Variants in ADCY9 observed in about 807,000 individuals in gnomAD.
The protein encoded by ADCY9 is adenylate cyclase type 9.
ADCY9 carries 50 observed loss-of-function variants against 101.5 expected under a neutral mutation model. The observed-to-expected ratio is 0.49, with a 90% CI of 0.39 to 0.62. ADCY9 has a LOEUF of 0.62. ADCY9 is among the 20% of genes least tolerant of loss of function. The pLI, the probability that ADCY9 is intolerant of heterozygous loss-of-function variation, is 0.00. For synonymous variants in ADCY9, 905 were observed against 769.3 expected (o/e 1.18, Z -2.92); for missense variants, 1,662 against 1,800.4 (o/e 0.92, Z 1.39).
At chr16:4,096,656 A>C (rs2057005731) in intron 2 of ADCY9, among the ~76,000 whole-genome samples, 1 of 152,240 alleles carries the variant, frequency 6.6e-6, no homozygotes, top group Non-Finnish European at 1.5e-5. Context: ...TTAAATAGTA[A>C]CACAATAGGG....
intron 2 of ADCY9, among the ~76,000 whole-genome samples, chr16:4,058,033 C>A (rs949438381): frequency 4.6e-5 from 7 of 151,832 alleles, no homozygotes; most frequent in African/African-American, 1.7e-4. Flanking sequence ...GTGGTGGGCA[C>A]CTGTAATCCC....
chr16:4,034,898 T>C (rs866182660), intron 2 of ADCY9, among the ~76,000 whole-genome samples: 5 of 152,190 alleles, frequency 3.3e-5, no homozygotes, highest in Admixed American at 3.3e-4. Context: ...TACTACCAGG[T>C]AGAGAAGGAG....
At chr16:3,956,240 GAAAATCTCA>G (rs1229903694) in intron 5 of ADCY9, among the ~76,000 whole-genome samples, 1 of 151,956 alleles carries the variant, frequency 6.6e-6, no homozygotes. Flanking sequence ...CAATTGCCAC[GAAAATCTCA>G]AATTATATTC....
At chr16:4,092,132 T>C (rs763140005) in intron 2 of ADCY9, among the ~76,000 whole-genome samples, 1 of 152,190 alleles carries the variant, frequency 6.6e-6, no homozygotes, top group Non-Finnish European at 1.5e-5. Flanking sequence ...TAGACAGGTG[T>C]GGTGGCGGGT....
intron 8 of ADCY9, among the ~76,000 whole-genome samples, 192 bp downstream of exon 8, chr16:3,978,924 C>T (rs2056116064): frequency 6.6e-6 from 1 of 152,090 alleles, no homozygotes; most frequent in Admixed American, 6.6e-5. Context: ...ACCATGTTGG[C>T]CAGGATGGTC....
intron 2 of ADCY9, among the ~76,000 whole-genome samples, chr16:4,109,655 G>C (rs1350889797): frequency 3.3e-5 from 5 of 152,088 alleles, no homozygotes; most frequent in African/African-American, 9.7e-5. Context: ...CCAGTCGTTT[G>C]TTTAAATCTG....
chr16:4,050,451 T>C (rs946032196), intron 2 of ADCY9, among the ~76,000 whole-genome samples: 2 of 151,942 alleles, frequency 1.3e-5, no homozygotes, highest in African/African-American at 4.8e-5. Context: ...CGGTGGCTCA[T>C]GCCTGTAATC....
At chr16:3,979,839 G>A (rs941005699) in intron 7 of ADCY9, among the ~76,000 whole-genome samples, 1 of 152,274 alleles carries the variant, frequency 6.6e-6, no homozygotes, top group Non-Finnish European at 1.5e-5. Context: ...TGCAAAGGCA[G>A]AAGGCTGCTG....
chr16:3,965,746 A>C lies in ADCY9; in HGVS notation c.*29T>G. The C allele has an allele frequency of 6.3e-7, 1 of 1,580,928 alleles. No homozygotes were observed. Among genetic ancestry groups the C allele is most frequent in the Non-Finnish European group, 8.6e-7 (1 of 1,160,282 alleles). On this transcript the variant is annotated 3_prime_UTR_variant, in exon 11 of 11. Transcript: ENST00000294016. ...AATATTACTGTGTTTCGACAAACAG[A>C]GCACCTCGGGCAGCGGGTGGGCGCC... is the stretch of plus-strand genomic sequence containing the variant.
chr16:4,005,679 C>T (rs1376114177), intron 3 of ADCY9, among the ~76,000 whole-genome samples: 1 of 151,866 alleles, frequency 6.6e-6, no homozygotes, highest in East Asian at 1.9e-4. Flanking sequence ...GTAGAATCGC[C>T]ATTGCTAAAA....
chr16:4,030,275 A>G (rs2056546057), intron 2 of ADCY9, among the ~76,000 whole-genome samples: 2 of 152,156 alleles, frequency 1.3e-5, no homozygotes, highest in African/African-American at 4.8e-5. Context: ...CATCAAGAGG[A>G]GGATCGATGG....
Position 4,016,995 on chromosome 16 carries a change from GT to G in ADCY9, c.1694-9438del, listed in dbSNP as rs370052696. On this transcript the variant is annotated intron_variant, in intron 2 of 10. Coordinates refer to ENST00000294016, the MANE Select transcript of ADCY9 (RefSeq NM_001116.4). ...ATGTGAATTATACGTCAATAAAGCT[GT>G]TTTTTTGAAAAAGAAAAGGAAGCTG... is the stretch of plus-strand genomic sequence containing the variant. Among the ~76,000 whole-genome samples, 23 of 152,158 alleles carry G rather than the reference GT, an allele frequency of 1.5e-4. No homozygotes were observed. In the East Asian group the frequency reaches 3.7e-3, roughly 24 times the overall value.
intron 9 of ADCY9, among the ~76,000 whole-genome samples, chr16:3,975,874 A>C (rs2141681193): frequency 6.6e-6 from 1 of 152,380 alleles, no homozygotes; most frequent in Middle Eastern, 3.4e-3. Context: ...TAAATTGTTC[A>C]CTGCTTACAT....
Position 3,963,553 on chromosome 16 carries a change from C to G in ADCY9, c.*2222G>C. The G allele has an allele frequency of 2.6e-6, 1 of 382,066 alleles. No individual in the cohort carries two copies. 23.7% of individuals were successfully genotyped at this position (382,066 alleles called of 1,614,324 possible). ...AGTCTGCACGGGGCTGAACCAGACT[C>G]CACTTTGCAGCTCCTTGGTTTCCCG... On this transcript the variant is annotated 3_prime_UTR_variant, in exon 11 of 11. Coordinates refer to ENST00000294016, the MANE Select transcript of ADCY9 (RefSeq NM_001116.4).
Position 4,023,236 on chromosome 16 carries a change from C to T in ADCY9, c.1694-15678G>A, listed in dbSNP as rs369310542. Among the ~76,000 whole-genome samples, 5 of 152,312 alleles carry T rather than the reference C, an allele frequency of 3.3e-5. 1 individual carries two copies. Among genetic ancestry groups the T allele is most frequent in the African/African-American group, 9.6e-5 (4 of 41,556 alleles). ...GCTGGTGATAAAACTGTGAACATGGCGTCCATCACCTGACTCAGTGGTAGG... is the reference window on the plus strand; with the variant it reads ...GCTGGTGATAAAACTGTGAACATGGTGTCCATCACCTGACTCAGTGGTAGG... On this transcript the variant is annotated intron_variant, in intron 2 of 10. Transcript: ENST00000294016.
At chr16:4,111,034 A>T (rs1466942084) in intron 2 of ADCY9, among the ~76,000 whole-genome samples, 1 of 152,232 alleles carries the variant, frequency 6.6e-6, no homozygotes, top group East Asian at 1.9e-4. Flanking sequence ...AGTCAGTGCC[A>T]GGGGCACGAC....
chr16:4,027,107 T>A (rs2141748860), intron 2 of ADCY9, among the ~76,000 whole-genome samples: 1 of 152,258 alleles, frequency 6.6e-6, no homozygotes, highest in African/African-American at 2.4e-5. Flanking sequence ...ACTCCTTCAC[T>A]TACATAGGGT....
At chr16:4,045,387 G>A (rs530296004) in intron 2 of ADCY9, among the ~76,000 whole-genome samples, 1 of 151,934 alleles carries the variant, frequency 6.6e-6, no homozygotes, top group Admixed American at 6.6e-5. Context: ...ACAAGGTCAG[G>A]AGTTCGCGAC....
In ADCY9 at chr16:3,965,672, G is replaced by A. The variant is rs1371946983; in HGVS notation, c.*103C>T. 1.0e-5 allele frequency: 11 copies of A among 1,054,212 alleles called. No individual in the cohort carries two copies. In the East Asian group the frequency reaches 2.0e-4, roughly 19 times the overall value. 65.3% of individuals were successfully genotyped at this position (1,054,212 alleles called of 1,614,324 possible). A position where few individuals can be genotyped will look rare whatever the true frequency, so the allele number is the denominator to read the frequency against. On this transcript the variant is annotated 3_prime_UTR_variant, in exon 11 of 11. Coordinates refer to ENST00000294016, the MANE Select transcript of ADCY9 (RefSeq NM_001116.4). Reference sequence around the variant, plus strand: ...GGCTGAAATGACCACATAACACCACGTCCGGGGAGGGCAACTGTGGCGCTT... The same window carrying A: ...GGCTGAAATGACCACATAACACCACATCCGGGGAGGGCAACTGTGGCGCTT...
Sources: allele counts gnomAD v4.1 joint callset (sites outside exome capture counted in the v4.1 genomes callset), GRCh38; gene constraint gnomAD v4.1.1; transcripts MANE v1.5; gene names NCBI Gene and HGNC (gene_info 2026-07-23, HGNC 2026-07-21).